Variants in TACR1 observed in about 807,000 individuals in gnomAD.
TACR1 encodes the protein substance-P receptor.
In TACR1, 25 loss-of-function variants were observed where a neutral mutation model predicts 35.8. That is an observed-to-expected ratio of 0.70 (90% CI 0.51 to 0.98). The LOEUF (loss-of-function observed/expected upper bound fraction) is 0.98, where lower values mean the gene tolerates loss of function less well. TACR1 is among the 50% of genes least tolerant of loss of function. The pLI is 0.00. For missense variants in TACR1, 478 were observed against 522.9 expected, an observed-to-expected ratio of 0.91 and a Z score of 0.84; for synonymous variants, 195 against 206.7, an observed-to-expected ratio of 0.94 and a Z score of 0.48.
At chr2:75,184,414 T>A (rs1675636971) in intron 1 of TACR1, among the ~76,000 whole-genome samples, 1 of 152,050 alleles carries the variant, frequency 6.6e-6, no homozygotes, top group African/African-American at 2.4e-5. Context: ...TCATGAGTTT[T>A]AATTAACTTG....
At chr2:75,070,718 A>G (rs561020187) in intron 2 of TACR1, among the ~76,000 whole-genome samples, 1 of 152,346 alleles carries the variant, frequency 6.6e-6, no homozygotes, top group African/African-American at 2.4e-5. Context: ...ATGTACTGCT[A>G]TATCCTTAGC....
chr2:75,181,407 A>G (rs749102202), intron 1 of TACR1, among the ~76,000 whole-genome samples: 3 of 152,192 alleles, frequency 2.0e-5, no homozygotes, highest in Non-Finnish European at 4.4e-5. Context: ...CAAAGAAAAC[A>G]TACTCCAGAC....
intron 2 of TACR1, among the ~76,000 whole-genome samples, chr2:75,058,385 A>G (rs13386605): frequency 0.018 from 2,680 of 152,306 alleles, 91 homozygotes; most frequent in African/African-American, 0.06. Context: ...GTGTGGCTCT[A>G]TGCTTGCTTT....
At chr2:75,151,088 G>A (rs1435634312) in intron 1 of TACR1, among the ~76,000 whole-genome samples, 1 of 152,186 alleles carries the variant, frequency 6.6e-6, no homozygotes, top group Non-Finnish European at 1.5e-5. Context: ...TGCTGTTAAA[G>A]GCATTCAGTT....
chr2:75,118,626 G>T (rs1190132321), intron 2 of TACR1, among the ~76,000 whole-genome samples: 1 of 152,190 alleles, frequency 6.6e-6, no homozygotes, highest in Non-Finnish European at 1.5e-5. Flanking sequence ...CCAGAGATCT[G>T]TGGGAAAATT....
chr2:75,186,641 T>C lies in TACR1; in HGVS notation c.389+11905A>G, dbSNP rs3771855. ...GTAATATTCAATAGTAAGTTATTTT[T>C]CTTAAAAAAAAAAAAGGTGGCTTAA... On this transcript the variant is annotated intron_variant, in intron 1 of 4. Coordinates refer to ENST00000305249, the MANE Select transcript of TACR1 (RefSeq NM_001058.4). Among the ~76,000 whole-genome samples, 11 of 148,152 alleles carry C rather than the reference T, an allele frequency of 7.4e-5. No homozygotes were observed. In the East Asian group the frequency reaches 2.1e-3, roughly 29 times the overall value.
At chr2:75,175,021 A>C (rs752141834) in intron 1 of TACR1, among the ~76,000 whole-genome samples, 12 of 152,216 alleles carry the variant, frequency 7.9e-5, no homozygotes, top group South Asian at 2.1e-4. Context: ...GTCTCCTTTG[A>C]GGCTACTGAG....
intron 1 of TACR1, among the ~76,000 whole-genome samples, chr2:75,164,686 T>C (rs903063208): frequency 6.6e-6 from 1 of 152,192 alleles, no homozygotes; most frequent in African/African-American, 2.4e-5. Flanking sequence ...AAGCACTGAA[T>C]TGATTTCATG....
rs1672461661 is a variant in TACR1, at chr2:75,051,232, A to T, written c.932+19T>A. The stretch of plus-strand genomic sequence containing the variant: ...TGGTCTTGTGGCCCCTGGAGAGCTC[A>T]TGGGGTTGGGATCCTCACCTGTCAT... On this transcript the variant is annotated intron_variant, in intron 4 of 4. Coordinates refer to ENST00000305249, the MANE Select transcript of TACR1 (RefSeq NM_001058.4). The T allele has an allele frequency of 6.2e-7, 1 of 1,614,026 alleles. No individual in the cohort carries two copies. The highest frequency in any genetic ancestry group is 1.3e-5 in the African/African-American group (1 of 75,012).
At chr2:75,053,293 T>A (rs1412888315) in intron 3 of TACR1, among the ~76,000 whole-genome samples, 1 of 152,138 alleles carries the variant, frequency 6.6e-6, no homozygotes, top group Non-Finnish European at 1.5e-5. Flanking sequence ...ATGTATTATC[T>A]TGTCAAACTT....
chr2:75,190,796 T>C (rs1271483538), intron 1 of TACR1, among the ~76,000 whole-genome samples: 1 of 152,338 alleles, frequency 6.6e-6, no homozygotes, highest in African/African-American at 2.4e-5. Context: ...GCCTGGGCTC[T>C]TTCCTAACCA....
At chr2:75,191,327 A>G (rs899338931) in intron 1 of TACR1, among the ~76,000 whole-genome samples, 3 of 152,168 alleles carry the variant, frequency 2.0e-5, no homozygotes, top group Non-Finnish European at 4.4e-5. Flanking sequence ...AGCAAGGACA[A>G]GTAAAGGAGA....
At chr2:75,061,619 T>G (rs2103798010) in intron 2 of TACR1, among the ~76,000 whole-genome samples, 1 of 152,264 alleles carries the variant, frequency 6.6e-6, no homozygotes, top group Admixed American at 6.5e-5. Flanking sequence ...GGACCAAGCC[T>G]CCATCAACTG....
chr2:75,092,606 G>A lies in TACR1; in HGVS notation c.584+27968C>T, dbSNP rs115444571. The stretch of plus-strand genomic sequence containing the variant: ...TCTAGCACTGGATAAAGTAGCTCTG[G>A]AATGAGCCTCCTATGGTCAGAATAA... On this transcript the variant is annotated intron_variant, in intron 2 of 4. Coordinates refer to ENST00000305249, the MANE Select transcript of TACR1 (RefSeq NM_001058.4). Among the ~76,000 whole-genome samples the A allele has an allele frequency of 3.8e-3, 580 of 152,104 alleles. 1 individual carries two copies. The highest frequency in any genetic ancestry group is 6.0e-3 in the Non-Finnish European group (411 of 67,998).
At chr2:75,184,156 G>A (rs1026890148) in intron 1 of TACR1, among the ~76,000 whole-genome samples, 1 of 152,126 alleles carries the variant, frequency 6.6e-6, no homozygotes, top group Admixed American at 6.6e-5. Flanking sequence ...ACAAGAACAG[G>A]TATTGTTTAT....
At position 75,199,179 on chromosome 2, in the gene TACR1, G is replaced by T; in HGVS notation, c.-245C>A. The stretch of plus-strand genomic sequence containing the variant: ...CTTTCAAGCTTCAGGAGACGTTTGA[G>T]TTCAGAAGTCTGGAGACAGCATCTC... On this transcript the variant is annotated 5_prime_UTR_variant, in exon 1 of 5. Transcript: ENST00000305249. The T allele has an allele frequency of 2.0e-6, 1 of 505,554 alleles. No homozygotes were observed. Among genetic ancestry groups the T allele is most frequent in the East Asian group, 3.2e-5 (1 of 31,108 alleles). 31.3% of individuals were successfully genotyped at this position (505,554 alleles called of 1,614,324 possible). A position where few individuals can be genotyped will look rare whatever the true frequency, so the allele number is the denominator to read the frequency against.
intron 2 of TACR1, among the ~76,000 whole-genome samples, chr2:75,078,371 C>T (rs560218889): frequency 6.6e-6 from 1 of 152,072 alleles, no homozygotes; most frequent in Admixed American, 6.5e-5. Flanking sequence ...GATTATAGCC[C>T]TCCTCACAGG....
At chr2:75,061,156 C>T (rs1672664780) in intron 2 of TACR1, among the ~76,000 whole-genome samples, 1 of 151,504 alleles carries the variant, frequency 6.6e-6, no homozygotes, top group African/African-American at 2.4e-5. Context: ...GAGAGGAGGT[C>T]CACATCTTGC....
chr2:75,098,291 A>T (rs1371487804), intron 2 of TACR1, among the ~76,000 whole-genome samples: 1 of 152,078 alleles, frequency 6.6e-6, no homozygotes, highest in Admixed American at 6.5e-5. Flanking sequence ...TCCTTTTTTT[A>T]CCCAAACATA....
Sources: allele counts gnomAD v4.1 joint callset (sites outside exome capture counted in the v4.1 genomes callset), GRCh38; gene constraint gnomAD v4.1.1; transcripts MANE v1.5; gene names NCBI Gene and HGNC (gene_info 2026-07-23, HGNC 2026-07-21).